The following DLC1 variants were observed in gnomAD, a reference collection of about 807,000 sequenced individuals.
DLC1 encodes rho GTPase-activating protein 7.
Under a neutral mutation model 140.3 loss-of-function variants are expected in DLC1, and 54 were observed. That is an observed-to-expected ratio of 0.38 (90% CI 0.31 to 0.48). The LOEUF is 0.48. Among genes scored for constraint, DLC1 ranks in the 20% least tolerant of loss-of-function variants. The pLI, the probability that DLC1 is intolerant of heterozygous loss-of-function variation, is 0.96. For missense variants in DLC1, 2,536 were observed against 1,907.0 expected (o/e 1.33, Z -6.14); for synonymous variants, 986 against 728.1 (o/e 1.35, Z -5.70).
chr8:13,187,525 C>T (rs986143022), intron 5 of DLC1, among the ~76,000 whole-genome samples: 6 of 151,966 alleles, frequency 3.9e-5, no homozygotes, highest in African/African-American at 9.7e-5. Context: ...TCTTTGAGGA[C>T]GGCATCCCAA....
chr8:13,198,424 G>A (rs368790353), intron 5 of DLC1, among the ~76,000 whole-genome samples: 45 of 152,222 alleles, frequency 3.0e-4, no homozygotes, highest in Non-Finnish European at 5.3e-4. Context: ...TCTTTGTATC[G>A]TAGAGTCATT....
At chr8:13,518,070 G>A (rs1563416194), upstream of DLC1, among the ~76,000 whole-genome samples, 1 of 151,734 alleles carries the variant, frequency 6.6e-6, no homozygotes, top group Non-Finnish European at 1.5e-5. Flanking sequence ...GCAGGAGGTG[G>A]ATTAAATGGT....
chr8:13,150,207 T>A (rs1275220677), intron 5 of DLC1, among the ~76,000 whole-genome samples: 2 of 152,212 alleles, frequency 1.3e-5, no homozygotes, highest in East Asian at 3.8e-4. Flanking sequence ...CCCTGTGGCT[T>A]CTCACATTAC....
intron 2 of DLC1, among the ~76,000 whole-genome samples, chr8:13,457,522 C>CA (rs1364555551): frequency 6.6e-6 from 1 of 151,624 alleles, no homozygotes; most frequent in Non-Finnish European, 1.5e-5. Flanking sequence ...ACCAAAACTA[C>CA]AAAAATTAGC....
chr8:13,126,694 C>T (rs78488424), intron 5 of DLC1, among the ~76,000 whole-genome samples: 54 of 152,166 alleles, frequency 3.5e-4, no homozygotes, highest in African/African-American at 1.3e-3. Flanking sequence ...TAGAGTAACC[C>T]TGTCTCTATT....
At position 13,499,630 on chromosome 8, in the gene DLC1, C is replaced by T; in HGVS notation, c.442G>A (p.Glu148Lys). ...CTTTGTATGATGGGCAGTGCCTTTTCTAAGGAGCCTGCTCCTTGGATCATA... is the reference window on the plus strand; with the variant it reads ...CTTTGTATGATGGGCAGTGCCTTTTTTAAGGAGCCTGCTCCTTGGATCATA... ...QHMIQGAGSL[E>K]KALPIIQSNQ... Residue 148 changes from glutamate (E) to lysine (K), a missense_variant, in exon 2 of 18, where the codon GAA (glutamate) becomes AAA (lysine). Coordinates refer to ENST00000276297, the MANE Select transcript of DLC1 (RefSeq NM_182643.3). 6.2e-7 allele frequency: 1 copy of T among 1,614,188 alleles called. No individual in the cohort carries two copies.
chr8:13,087,561 G>A (rs1817665370), intron 16 of DLC1, among the ~76,000 whole-genome samples: 1 of 152,192 alleles, frequency 6.6e-6, no homozygotes, highest in Non-Finnish European at 1.5e-5. Context: ...CACTGTACAA[G>A]GACTGCTGAA....
At position 13,093,376 on chromosome 8, in the gene DLC1, C is replaced by A. The variant is rs558631983; in HGVS notation, c.3527-551G>T. Among the ~76,000 whole-genome samples the A allele has an allele frequency of 5.9e-5, 9 of 152,066 alleles. No homozygotes were observed. The South Asian group carries it at 1.9e-3, about 32-fold the overall frequency. On this transcript the variant is annotated intron_variant, in intron 12 of 17. Coordinates refer to ENST00000276297, the MANE Select transcript of DLC1 (RefSeq NM_182643.3). ...CTAAAATATTCAGTTCTGAATTGAA[C>A]TGAACTGAAAATATTCAGTTCAGTT...
chr8:13,360,018 G>A (rs759159384), intron 4 of DLC1, among the ~76,000 whole-genome samples: 3 of 152,120 alleles, frequency 2.0e-5, no homozygotes, highest in Admixed American at 6.5e-5. Context: ...GTTGGATTCC[G>A]CATTATAGTA....
chr8:13,367,949 C>G (rs1835564017), intron 4 of DLC1, among the ~76,000 whole-genome samples: 1 of 152,066 alleles, frequency 6.6e-6, no homozygotes, highest in East Asian at 1.9e-4. Context: ...TCTTCAAATC[C>G]CAATTATGAC....
intron 4 of DLC1, among the ~76,000 whole-genome samples, chr8:13,362,472 T>C (rs1362964619): frequency 6.6e-6 from 1 of 152,194 alleles, no homozygotes; most frequent in African/African-American, 2.4e-5. Context: ...AGGCAGTGCC[T>C]GGAATTAGAG....
chr8:13,392,465 A>G (rs188937570), intron 4 of DLC1, among the ~76,000 whole-genome samples: 36 of 152,284 alleles, frequency 2.4e-4, no homozygotes, highest in Admixed American at 6.5e-4. Flanking sequence ...TCTTCTTGCA[A>G]TTGCAGCAAA....
At chr8:13,262,218 A>G (rs1830496400) in intron 5 of DLC1, among the ~76,000 whole-genome samples, 1 of 152,132 alleles carries the variant, frequency 6.6e-6, no homozygotes, top group Admixed American at 6.5e-5. Flanking sequence ...ATTATTAGAG[A>G]GAAGTTCTAA....
chr8:13,314,870 T>C (rs1323724839), intron 4 of DLC1, among the ~76,000 whole-genome samples: 1 of 152,236 alleles, frequency 6.6e-6, no homozygotes, highest in Non-Finnish European at 1.5e-5. Context: ...GAAACACTTT[T>C]ATTACAGGGA....
At chr8:13,256,195 G>T (rs1047853937) in intron 5 of DLC1, among the ~76,000 whole-genome samples, 1 of 152,166 alleles carries the variant, frequency 6.6e-6, no homozygotes, top group African/African-American at 2.4e-5. Flanking sequence ...TCCTAAAGGA[G>T]GTTGATAAGT....
Position 13,555,029 on chromosome 8 carries a change from C to T in DLC1, c.-126+49508G>A, listed in dbSNP as rs571741920. 3.3e-5 allele frequency among the ~76,000 whole-genome samples: 5 copies of T among 152,326 alleles called. No homozygotes were observed. In the East Asian group the frequency reaches 9.6e-4, roughly 29 times the overall value. On this transcript the variant is annotated intron_variant, in intron 1 of 1. Transcript: ENST00000631382. ...GCACGTCTCTTTCTGTTCTCTCAGT[C>T]TTGTAACACTTGCTCTTCTCATTGG...
At chr8:13,154,365 T>C (rs12542853) in intron 5 of DLC1, among the ~76,000 whole-genome samples, 65,330 of 152,062 alleles carry the variant, frequency 0.43, 14,704 homozygotes, top group East Asian at 0.53. Context: ...TGAGGCCCAG[T>C]GAGAATTGGA....
chr8:13,386,537 G>C (rs1259751628), intron 4 of DLC1, among the ~76,000 whole-genome samples: 2 of 152,046 alleles, frequency 1.3e-5, no homozygotes, highest in Non-Finnish European at 2.9e-5. Context: ...AGACTGTCTT[G>C]AGTTAACATG....
intron 3 of DLC1, among the ~76,000 whole-genome samples, chr8:13,397,243 T>C (rs1229087461): frequency 1.3e-5 from 2 of 152,116 alleles, no homozygotes; most frequent in Non-Finnish European, 1.5e-5. Context: ...GCTGTGGTGA[T>C]TCCCAGGGAG....
Sources: allele counts gnomAD v4.1 joint callset (sites outside exome capture counted in the v4.1 genomes callset), GRCh38; gene constraint gnomAD v4.1.1; transcripts MANE v1.5; gene names NCBI Gene and HGNC (gene_info 2026-07-23, HGNC 2026-07-21).